EPM2A: variants seen among roughly 807,000 people sequenced by gnomAD.
EPM2A encodes the protein laforin.
EPM2A carries 21 observed loss-of-function variants against 26.5 expected under a neutral mutation model. The ratio of observed to expected loss-of-function variants is 0.79; its 90% confidence interval spans 0.56 to 1.14. The LOEUF (loss-of-function observed/expected upper bound fraction) is 1.14, where lower values mean the gene tolerates loss of function less well. EPM2A is among the 50% of genes most tolerant of loss of function. The pLI, the probability that EPM2A is intolerant of heterozygous loss-of-function variation, is 0.00. For synonymous variants in EPM2A, 217 were observed against 177.6 expected (o/e 1.22, Z -1.76); for missense variants, 458 against 440.8 (o/e 1.04, Z -0.35).
intron 2 of EPM2A, among the ~76,000 whole-genome samples, chr6:145,658,437 C>T (rs1778450913): frequency 6.6e-6 from 1 of 152,146 alleles, no homozygotes; most frequent in African/African-American, 2.4e-5. Context: ...AACTCTGAGA[C>T]ATTTTCTATC....
At chr6:145,488,045 G>A (rs1176558664) in intron 4 of EPM2A, among the ~76,000 whole-genome samples, 1 of 151,114 alleles carries the variant, frequency 6.6e-6, no homozygotes, top group African/African-American at 2.4e-5. Context: ...TGGCTAGCCA[G>A]TTATTGCAGC....
At chr6:145,575,342 A>C (rs1337316735) in intron 2 of EPM2A, among the ~76,000 whole-genome samples, 4 of 152,132 alleles carry the variant, frequency 2.6e-5, no homozygotes, top group Non-Finnish European at 5.9e-5. Context: ...ATTTCCAATC[A>C]ATGCCCTCAT....
At chr6:145,605,577 T>A (rs545162391) in intron 2 of EPM2A, among the ~76,000 whole-genome samples, 42 of 152,152 alleles carry the variant, frequency 2.8e-4, no homozygotes, top group Non-Finnish European at 5.3e-4. Flanking sequence ...CAAAAAGGAA[T>A]GCAAATGGCT....
At chr6:145,426,081 T>G (rs530204248) in intron 4 of EPM2A, among the ~76,000 whole-genome samples, 1 of 152,346 alleles carries the variant, frequency 6.6e-6, no homozygotes, top group East Asian at 1.9e-4. Flanking sequence ...GTGCTATAAG[T>G]TATTTCCAAG....
chr6:145,438,622 C>T (rs375336444), intron 4 of EPM2A, among the ~76,000 whole-genome samples: 60 of 151,834 alleles, frequency 4.0e-4, no homozygotes, highest in African/African-American at 1.3e-3. Flanking sequence ...TACAGGCACA[C>T]GCCACCACAC....
At chr6:145,525,946 A>T (rs1780267470) in intron 2 of EPM2A, among the ~76,000 whole-genome samples, 1 of 151,986 alleles carries the variant, frequency 6.6e-6, no homozygotes, top group Non-Finnish European at 1.5e-5. Flanking sequence ...GATGACTCTT[A>T]TTACTTTGAG....
chr6:145,662,125 T>G (rs193102900), intron 2 of EPM2A, among the ~76,000 whole-genome samples: 5 of 152,292 alleles, frequency 3.3e-5, no homozygotes, highest in African/African-American at 1.2e-4. Context: ...ACTGGTCAAG[T>G]CCAGATGAGA....
intron 4 of EPM2A, among the ~76,000 whole-genome samples, chr6:145,446,691 C>T (rs1254673110): frequency 6.6e-6 from 1 of 151,988 alleles, no homozygotes; most frequent in Non-Finnish European, 1.5e-5. Context: ...AAAAGCTCCT[C>T]TTGCCTTTTG....
intron 3 of EPM2A, chr6:145,633,707 G>A (rs1203894711): frequency 1.3e-5 from 2 of 152,204 alleles, no homozygotes; most frequent in Non-Finnish European, 2.9e-5. Context: ...CTCTTGGGGA[G>A]ACAAGCTACT....
chr6:145,452,039 A>G (rs748019860), intron 4 of EPM2A, among the ~76,000 whole-genome samples: 13 of 152,146 alleles, frequency 8.5e-5, no homozygotes, highest in Non-Finnish European at 1.6e-4. Flanking sequence ...GTGTCAGTAC[A>G]GCCCTTCGTT....
rs183242054 is a variant in EPM2A at position 145,505,322 on chromosome 6, A to T, written c.341-2747T>A. 1.3e-4 allele frequency among the ~76,000 whole-genome samples: 20 copies of T among 152,266 alleles called. No homozygotes were observed. The East Asian group carries it at 3.3e-3, about 25-fold the overall frequency. On this transcript the variant is annotated intron_variant, in intron 2 of 3. Coordinates refer to the EPM2A transcript ENST00000450221. ...TGAATAGTACATAGAATTTCTGTATATCTATCTAGATCTCCTAACAGTTAA... is the reference window on the plus strand; with the variant it reads ...TGAATAGTACATAGAATTTCTGTATTTCTATCTAGATCTCCTAACAGTTAA...
intron 2 of EPM2A, among the ~76,000 whole-genome samples, chr6:145,516,270 CT>C (rs1780125893): frequency 6.6e-6 from 1 of 152,132 alleles, no homozygotes; most frequent in Non-Finnish European, 1.5e-5. Context: ...GCAATTGTAG[CT>C]ACTGTTCTCA....
intron 4 of EPM2A, among the ~76,000 whole-genome samples, chr6:145,391,665 C>T (rs143072481): frequency 1.7e-3 from 254 of 152,266 alleles, no homozygotes; most frequent in African/African-American, 5.6e-3. Context: ...TTCCCATACC[C>T]CCGCTTGAGA....
Position 145,425,116 on chromosome 6 carries a change from C to T in EPM2A, c.556-41019G>A, listed in dbSNP as rs867244472. Reference sequence around the variant, plus strand: ...AATTAGTAGCTTTGGATGTAAGTCTCCCTTCCTTCCTTCCTTCCTTCCTTC... The same window carrying T: ...AATTAGTAGCTTTGGATGTAAGTCTTCCTTCCTTCCTTCCTTCCTTCCTTC... On this transcript the variant is annotated intron_variant, in intron 4 of 4. Coordinates refer to the EPM2A transcript ENST00000638717. Among the ~76,000 whole-genome samples, 5 of 131,846 alleles carry T rather than the reference C, an allele frequency of 3.8e-5. No individual in the cohort carries two copies. In the South Asian group the frequency reaches 8.0e-4, roughly 21 times the overall value. The allele number at this position is 131,846 out of a possible 152,430, so 86.5% of individuals were successfully genotyped here. A position where few individuals can be genotyped will look rare whatever the true frequency, so the allele number is the denominator to read the frequency against.
intron 2 of EPM2A, among the ~76,000 whole-genome samples, chr6:145,506,841 G>A (rs1025403100): frequency 1.3e-5 from 2 of 152,122 alleles, no homozygotes; most frequent in African/African-American, 4.8e-5. Context: ...TTTCAGACTG[G>A]CCCACTCTTC....
chr6:145,410,426 C>T (rs377100794), intron 4 of EPM2A, among the ~76,000 whole-genome samples: 3 of 151,972 alleles, frequency 2.0e-5, no homozygotes, highest in South Asian at 2.1e-4. Flanking sequence ...TTTAATCCTT[C>T]GAGGCAATAG....
In EPM2A at chr6:145,627,994, G is replaced by A. The variant is rs117495022; in HGVS notation, c.719-301C>T. The A allele has an allele frequency of 0.012, 4,659 of 392,532 alleles. 37 individuals carry two copies. The highest frequency in any genetic ancestry group is 0.018 in the Admixed American group (420 of 23,692). The allele number at this position is 392,532 out of a possible 1,614,324, so 24.3% of individuals were successfully genotyped here. ...TCCCTCCAAAGAAAAGTGACCTATCGCCTGTCATCAGAATGCACTTTCACA... is the reference window on the plus strand; with the variant it reads ...TCCCTCCAAAGAAAAGTGACCTATCACCTGTCATCAGAATGCACTTTCACA... On this transcript the variant is annotated intron_variant, in intron 3 of 3. Coordinates refer to ENST00000367519, the MANE Select transcript of EPM2A (RefSeq NM_005670.4).
chr6:145,705,684 T>G (rs1782183337), intron 1 of EPM2A: 1 of 408,600 alleles, frequency 2.4e-6, no homozygotes, highest in Admixed American at 2.8e-5. Context: ...AATCCCTATT[T>G]GAAATAGCAA....
At chr6:145,608,246 A>G (rs1399333322) in intron 2 of EPM2A, among the ~76,000 whole-genome samples, 1 of 152,210 alleles carries the variant, frequency 6.6e-6, no homozygotes, top group Admixed American at 6.5e-5. Context: ...CCTAACTTAT[A>G]AATTAAACTT....
Sources: gnomAD v4.1 joint callset for allele counts (sites outside exome capture counted in the v4.1 genomes callset) on GRCh38, gnomAD v4.1.1 for gene constraint, MANE v1.5 for transcripts, NCBI Gene and HGNC (gene_info 2026-07-23, HGNC 2026-07-21) for gene names.